Variants in NRXN1 observed in about 807,000 individuals in gnomAD.
The protein encoded by NRXN1 is neurexin-1.
Under a neutral mutation model 150.9 loss-of-function variants are expected in NRXN1, and 39 were observed. The observed-to-expected ratio is 0.26, with a 90% CI of 0.20 to 0.34. The LOEUF is 0.34. Among genes scored for constraint, NRXN1 ranks in the 10% least tolerant of loss-of-function variants. The pLI, the probability that NRXN1 is intolerant of heterozygous loss-of-function variation, is 1.00. For missense variants in NRXN1, 1,815 were observed against 1,949.9 expected (o/e 0.93, Z 1.30); for synonymous variants, 924 against 757.0 (o/e 1.22, Z -3.62).
chr2:50,796,411 G>A (rs1388474946), intron 5 of NRXN1, among the ~76,000 whole-genome samples: 1 of 152,110 alleles, frequency 6.6e-6, no homozygotes, highest in Admixed American at 6.5e-5. Context: ...TGCAAAAAGT[G>A]GGACACCATG....
intron 5 of NRXN1, among the ~76,000 whole-genome samples, chr2:50,648,140 A>G (rs929254651): frequency 1.3e-5 from 2 of 151,972 alleles, no homozygotes; most frequent in Non-Finnish European, 2.9e-5. Flanking sequence ...GTTACAATCA[A>G]GCCAAAGAAC....
intron 17 of NRXN1, among the ~76,000 whole-genome samples, chr2:50,365,699 T>C (rs1265789965): frequency 6.6e-6 from 1 of 152,076 alleles, no homozygotes; most frequent in African/African-American, 2.4e-5. Flanking sequence ...AAGTTCTAGC[T>C]ACTATTTTAA....
chr2:50,238,347 A>G (rs2065668126), intron 17 of NRXN1, among the ~76,000 whole-genome samples: 1 of 151,990 alleles, frequency 6.6e-6, no homozygotes, highest in Non-Finnish European at 1.5e-5. Context: ...TCAAACCTGG[A>G]CTAAAATCTA....
At chr2:50,634,022 A>G (rs888063688) in intron 5 of NRXN1, among the ~76,000 whole-genome samples, 1 of 152,174 alleles carries the variant, frequency 6.6e-6, no homozygotes, top group African/African-American at 2.4e-5. Flanking sequence ...ATAGGAAAAA[A>G]TCCAGTGAGC....
intron 5 of NRXN1, among the ~76,000 whole-genome samples, chr2:50,714,497 C>A (rs985520103): frequency 6.6e-6 from 1 of 152,040 alleles, no homozygotes; most frequent in Non-Finnish European, 1.5e-5. Flanking sequence ...AAGATAGTTT[C>A]TTCCCGCCAT....
At chr2:50,100,327 A>T (rs924940150) in intron 18 of NRXN1, among the ~76,000 whole-genome samples, 1 of 152,024 alleles carries the variant, frequency 6.6e-6, no homozygotes, top group Non-Finnish European at 1.5e-5. Flanking sequence ...AGTGAGAAAA[A>T]GGATGGACAG....
chr2:50,270,294 G>A (rs1257558616), intron 17 of NRXN1, among the ~76,000 whole-genome samples: 3 of 152,270 alleles, frequency 2.0e-5, no homozygotes, highest in African/African-American at 7.2e-5. Context: ...AAAGTAAATT[G>A]TGAATTGCAG....
Position 51,027,966 on chromosome 2 carries a change from A to C in NRXN1, c.308T>G (p.Leu103Arg). The C allele has an allele frequency of 1.2e-6, 2 of 1,602,202 alleles. No homozygotes were observed. Among genetic ancestry groups the C allele is most frequent in the Non-Finnish European group, 1.7e-6 (2 of 1,179,448 alleles). The change falls in exon 2 of 23, where the codon CTC becomes CGC. Residue 103 changes from leucine to arginine, a missense_variant. Around this residue, in one of 6 missense-constraint regions of NRXN1, gnomAD observed 554 missense variants for 478.8 expected, o/e 1.16. Coordinates refer to ENST00000401669, the MANE Select transcript of NRXN1 (RefSeq NM_001330078.2). Reference sequence around the variant, plus strand: ...GTCGTTAACCGGCGTGTCGGCCAGGAGCGTCGCAGGCTCAGCGCAGAAGAT... The same window carrying C: ...GTCGTTAACCGGCGTGTCGGCCAGGCGCGTCGCAGGCTCAGCGCAGAAGAT... Reference protein sequence around the residue: ...FSIFCAEPATLLADTPVNDGA... With the variant: ...FSIFCAEPATRLADTPVNDGA...
intron 5 of NRXN1, among the ~76,000 whole-genome samples, chr2:50,743,513 T>C (rs1449366725): frequency 6.6e-6 from 1 of 152,130 alleles, no homozygotes; most frequent in Non-Finnish European, 1.5e-5. Flanking sequence ...TTAATGAACA[T>C]TAAATAATAA....
At chr2:50,667,162 A>G (rs1353991562) in intron 5 of NRXN1, among the ~76,000 whole-genome samples, 1 of 144,902 alleles carries the variant, frequency 6.9e-6, no homozygotes, top group Non-Finnish European at 1.5e-5. Context: ...TAAAGAATTT[A>G]CACAATTTCT....
At chr2:50,165,708 A>G (rs2059639873) in intron 18 of NRXN1, among the ~76,000 whole-genome samples, 1 of 152,200 alleles carries the variant, frequency 6.6e-6, no homozygotes, top group Non-Finnish European at 1.5e-5. Flanking sequence ...CTGCAAAATG[A>G]GAACAATGTG....
chr2:50,107,734 T>C (rs764235208), intron 18 of NRXN1, among the ~76,000 whole-genome samples: 25 of 151,762 alleles, frequency 1.6e-4, no homozygotes, highest in African/African-American at 4.4e-4. Flanking sequence ...TTGGCCTAGA[T>C]AGTTTATGTC....
rs190105934 is a variant in NRXN1 at position 50,492,953 on chromosome 2, A to C, written c.3070+2952T>G. 3.3e-3 allele frequency among the ~76,000 whole-genome samples: 500 copies of C among 152,152 alleles called. 2 individuals carry two copies. The highest frequency in any genetic ancestry group is 0.02 in the Middle Eastern group (6 of 294). On this transcript the variant is annotated intron_variant, in intron 15 of 22. Coordinates refer to ENST00000401669, the MANE Select transcript of NRXN1 (RefSeq NM_001330078.2). ...GCCTGTTTTCTGTGCATCTCTCTCA[A>C]ATGATTACTGCCTTGGTTGGTCTGA... is the stretch of plus-strand genomic sequence containing the variant.
chr2:50,981,847 G>A (rs73930240), intron 2 of NRXN1, among the ~76,000 whole-genome samples: 2 of 115,536 alleles, frequency 1.7e-5, no homozygotes, highest in East Asian at 4.4e-4. Flanking sequence ...GTGTGTATGT[G>A]TGTGTGTGTG....
chr2:50,006,862 A>G (rs7590237), intron 21 of NRXN1, among the ~76,000 whole-genome samples: 71,727 of 151,952 alleles, frequency 0.47, 17,510 homozygotes, highest in Middle Eastern at 0.62. Flanking sequence ...AAACAGTGCA[A>G]ACACAAAGCA....
At chr2:49,944,135 G>C (rs6753652) in intron 21 of NRXN1, among the ~76,000 whole-genome samples, 31,230 of 152,064 alleles carry the variant, frequency 0.21, 3,412 homozygotes, top group East Asian at 0.31. Context: ...AGCCTGGAGT[G>C]CTACAATGTA....
intron 5 of NRXN1, among the ~76,000 whole-genome samples, chr2:50,653,076 C>A (rs1033968449): frequency 6.6e-6 from 1 of 151,972 alleles, no homozygotes; most frequent in African/African-American, 2.4e-5. Flanking sequence ...ATGTTGACTC[C>A]CACTCATATG....
intron 17 of NRXN1, among the ~76,000 whole-genome samples, chr2:50,369,169 T>G (rs1456324940): frequency 6.6e-6 from 1 of 151,878 alleles, no homozygotes; most frequent in Admixed American, 6.6e-5. Flanking sequence ...CATTCATATG[T>G]CTAGCTCAGA....
chr2:50,105,917 T>C (rs536065049), intron 18 of NRXN1, among the ~76,000 whole-genome samples: 47 of 151,940 alleles, frequency 3.1e-4, no homozygotes, highest in African/African-American at 1.1e-3. Flanking sequence ...ATCATAATAA[T>C]AAAAATAATA....
Sources: gnomAD v4.1 joint callset for allele counts (sites outside exome capture counted in the v4.1 genomes callset) on GRCh38, gnomAD v4.1.1 for gene constraint, gnomAD v4.1.1 regional missense constraint, MANE v1.5 for transcripts, NCBI Gene and HGNC (gene_info 2026-07-23, HGNC 2026-07-21) for gene names.